The following PXDNL variants were observed in gnomAD, a reference collection of about 807,000 sequenced individuals.
The protein encoded by PXDNL is probable oxidoreductase PXDNL.
PXDNL carries 145 observed loss-of-function variants against 150.8 expected under a neutral mutation model. The ratio of observed to expected loss-of-function variants is 0.96; its 90% CI spans 0.84 to 1.10. PXDNL has a LOEUF of 1.10. Ranked by LOEUF, PXDNL falls within the 50% of genes least tolerant of loss-of-function variation. PXDNL has a pLI of 0.00. For missense variants in PXDNL, 2,087 were observed against 1,873.9 expected (o/e 1.11, Z -2.10); for synonymous variants, 757 against 725.7 (o/e 1.04, Z -0.69).
Position 51,728,555 on chromosome 8 carries a change from G to C in PXDNL, c.165-73795C>G, listed in dbSNP as rs532315536. 2.6e-5 allele frequency among the ~76,000 whole-genome samples: 4 copies of C among 151,812 alleles called. No individual in the cohort carries two copies. The South Asian group carries it at 8.3e-4, about 32-fold the overall frequency. On this transcript the variant is annotated intron_variant, in intron 1 of 22. Coordinates refer to ENST00000356297, the MANE Select transcript of PXDNL (RefSeq NM_144651.5). ...CAGGCCTAGGCGAATGTGTGTGTTTGTGTCTTCATTTTTAACAAAAAGTAT... is the reference window on the plus strand; with the variant it reads ...CAGGCCTAGGCGAATGTGTGTGTTTCTGTCTTCATTTTTAACAAAAAGTAT...
At chr8:51,809,010 T>C (rs978903916) in intron 1 of PXDNL, among the ~76,000 whole-genome samples, 171 bp downstream of exon 1, 3 of 152,176 alleles carry the variant, frequency 2.0e-5, no homozygotes, top group Non-Finnish European at 4.4e-5. Flanking sequence ...TTGCTTACAT[T>C]TTCTAGTCTA....
chr8:51,666,127 C>T (rs62505348), intron 1 of PXDNL, among the ~76,000 whole-genome samples: 3,254 of 152,300 alleles, frequency 0.021, 47 homozygotes, highest in Non-Finnish European at 0.031. Context: ...TCCTGGCCTA[C>T]GTCACCTCTG....
intron 12 of PXDNL, among the ~76,000 whole-genome samples, chr8:51,440,698 T>G (rs1809523166): frequency 6.6e-6 from 1 of 152,084 alleles, no homozygotes. Context: ...AGGAAGGAAA[T>G]TACACATTTG....
chr8:51,675,711 C>CAAACCCGGGAGGCAGAGGTTG (rs375517674), intron 1 of PXDNL, among the ~76,000 whole-genome samples: 3,773 of 148,768 alleles, frequency 0.025, 190 homozygotes, highest in African/African-American at 0.089. Context: ...GAGAATCACT[C>CAAACCCGGGAGGCAGAGGTTG]AAACCCGGGA....
intron 17 of PXDNL, among the ~76,000 whole-genome samples, chr8:51,402,374 C>T (rs559507042): frequency 1.8e-4 from 27 of 151,920 alleles, no homozygotes; most frequent in African/African-American, 6.5e-4. Context: ...AAATATACAA[C>T]CAGGCATGGT....
At chr8:51,628,375 T>C (rs1470393386) in intron 2 of PXDNL, among the ~76,000 whole-genome samples, 1 of 149,282 alleles carries the variant, frequency 6.7e-6, no homozygotes, top group Non-Finnish European at 1.5e-5. Context: ...TCCTTTTTCA[T>C]CTCTCTCTGT....
chr8:51,644,392 G>GTA (rs1242688989), intron 2 of PXDNL, among the ~76,000 whole-genome samples: 24 of 53,918 alleles, frequency 4.5e-4, no homozygotes, highest in East Asian at 7.5e-4. Flanking sequence ...ACACATATGT[G>GTA]TATATATATA....
intron 1 of PXDNL, among the ~76,000 whole-genome samples, chr8:51,700,700 A>T (rs1055640523): frequency 6.6e-6 from 1 of 152,042 alleles, no homozygotes; most frequent in African/African-American, 2.4e-5. Context: ...ACACATACAC[A>T]CAGACACACA....
intron 6 of PXDNL, among the ~76,000 whole-genome samples, chr8:51,480,245 T>C (rs1810570346): frequency 6.6e-6 from 1 of 152,112 alleles, no homozygotes; most frequent in African/African-American, 2.4e-5. Flanking sequence ...CATAAAGAAA[T>C]ACCTAAGACA....
At chr8:51,676,227 C>T (rs1274163622) in intron 1 of PXDNL, among the ~76,000 whole-genome samples, 2 of 152,000 alleles carry the variant, frequency 1.3e-5, no homozygotes, top group Admixed American at 6.6e-5. Context: ...CCTATGCTGG[C>T]CATTTGCTCT....
At chr8:51,805,403 GCTACTC>G (rs950493244) in intron 1 of PXDNL, among the ~76,000 whole-genome samples, 15 of 147,708 alleles carry the variant, frequency 1.0e-4, no homozygotes, top group Admixed American at 1.0e-3. Flanking sequence ...TCAGATTGCA[GCTACTC>G]CCTATTATTC....
chr8:51,637,658 G>C (rs191483818), intron 2 of PXDNL, among the ~76,000 whole-genome samples: 1 of 152,098 alleles, frequency 6.6e-6, no homozygotes, highest in Non-Finnish European at 1.5e-5. Context: ...AGAAAAAAGA[G>C]TAAAAAGAAA....
chr8:51,602,258 T>A (rs906358146), intron 2 of PXDNL, among the ~76,000 whole-genome samples: 6 of 152,082 alleles, frequency 3.9e-5, no homozygotes, highest in African/African-American at 1.4e-4. Context: ...TCTTGAATTA[T>A]TCCAAGTACA....
chr8:51,608,033 GAA>G (rs775067894), intron 2 of PXDNL, among the ~76,000 whole-genome samples: 1 of 118,798 alleles, frequency 8.4e-6, no homozygotes, highest in Non-Finnish European at 1.8e-5. Flanking sequence ...AAGAAAGAAA[GAA>G]AGAAAGAAAG....
chr8:51,461,824 C>A (rs1346412644), intron 8 of PXDNL, among the ~76,000 whole-genome samples: 2 of 152,174 alleles, frequency 1.3e-5, no homozygotes, highest in East Asian at 3.9e-4. Context: ...GGAAGTATAT[C>A]TCTCACTTCC....
intron 1 of PXDNL, among the ~76,000 whole-genome samples, chr8:51,767,751 A>G (rs2037247524): frequency 6.6e-6 from 1 of 152,186 alleles, no homozygotes; most frequent in Admixed American, 6.5e-5. Context: ...TTCGTTTTCT[A>G]GATTTTCCTT....
chr8:51,326,852 A>G (rs74319082), intron 21 of PXDNL, among the ~76,000 whole-genome samples: 4,784 of 152,156 alleles, frequency 0.031, 237 homozygotes, highest in African/African-American at 0.11. Flanking sequence ...AGAATGTGAT[A>G]TTTTTTGGAA....
chr8:51,511,759 C>T (rs1241583293), intron 4 of PXDNL, among the ~76,000 whole-genome samples: 1 of 152,034 alleles, frequency 6.6e-6, no homozygotes, highest in Admixed American at 6.6e-5. Flanking sequence ...GAGAAGTGCC[C>T]GAGAAGGGGG....
intron 5 of PXDNL, among the ~76,000 whole-genome samples, chr8:51,494,512 A>G (rs1810992651): frequency 6.6e-6 from 1 of 152,326 alleles, no homozygotes; most frequent in African/African-American, 2.4e-5. Flanking sequence ...AAGACCCATC[A>G]GTGTGCTGTA....
Sources: gnomAD v4.1 joint callset for allele counts (sites outside exome capture counted in the v4.1 genomes callset) on GRCh38, gnomAD v4.1.1 for gene constraint, MANE v1.5 for transcripts, NCBI Gene and HGNC (gene_info 2026-07-23, HGNC 2026-07-21) for gene names.